Variants in CEP89 observed in about 807,000 individuals in gnomAD.
CEP89 encodes the protein centrosomal protein of 89 kDa.
In CEP89, 95 loss-of-function variants were observed where a neutral mutation model predicts 97.6. That is an observed-to-expected ratio of 0.97 (90% CI 0.82 to 1.15). CEP89 has a LOEUF of 1.15. CEP89 is among the 50% of genes most tolerant of loss of function. The pLI is 0.00. For missense variants in CEP89, 869 were observed against 947.7 expected, an observed-to-expected ratio of 0.92 and a Z score of 1.09; for synonymous variants, 354 against 349.1, an observed-to-expected ratio of 1.01 and a Z score of -0.16.
intron 5 of CEP89, among the ~76,000 whole-genome samples, chr19:32,945,506 C>T (rs1358444532): frequency 6.6e-6 from 1 of 152,154 alleles, no homozygotes; most frequent in African/African-American, 2.4e-5. Flanking sequence ...TCCAAATCCA[C>T]CTTCATGGCC....
intron 4 of CEP89, among the ~76,000 whole-genome samples, chr19:32,951,664 G>A (rs552170168): frequency 6.6e-6 from 1 of 151,884 alleles, no homozygotes; most frequent in South Asian, 2.1e-4. Flanking sequence ...GAGTTTCCAA[G>A]GAGGGAGTGG....
At chr19:32,932,597 G>A (rs1027361496) in intron 8 of CEP89, among the ~76,000 whole-genome samples, 3 of 152,012 alleles carry the variant, frequency 2.0e-5, no homozygotes, top group Non-Finnish European at 4.4e-5. Flanking sequence ...TCTTTCATAT[G>A]TAAGGAGTTC....
intron 17 of CEP89, among the ~76,000 whole-genome samples, chr19:32,887,014 C>CAAACAA (rs1969412148): frequency 1.3e-5 from 1 of 76,512 alleles, no homozygotes; most frequent in African/African-American, 5.1e-5. Flanking sequence ...CATCTCTAAA[C>CAAACAA]AAAAAAAAAA....
intron 15 of CEP89, among the ~76,000 whole-genome samples, chr19:32,900,888 C>CTTTTTTT (rs34188586): frequency 0.015 from 2,007 of 138,050 alleles, 78 homozygotes; most frequent in African/African-American, 0.048. Context: ...CTTCATTTGT[C>CTTTTTTT]TTTTTTTTTT....
At chr19:32,910,294 A>C (rs200924868) in intron 14 of CEP89, among the ~76,000 whole-genome samples, 24 of 125,598 alleles carry the variant, frequency 1.9e-4, no homozygotes, top group Non-Finnish European at 1.7e-4. Context: ...AGAGAGCGAG[A>C]GAGAGAGGGA....
chr19:32,948,100 C>A (rs1260195639), intron 5 of CEP89, among the ~76,000 whole-genome samples, 166 bp downstream of exon 5: 2 of 152,220 alleles, frequency 1.3e-5, no homozygotes, highest in Non-Finnish European at 2.9e-5. Context: ...AGCCACCACA[C>A]CTGGACCCTC....
At chr19:32,931,107 C>T (rs1297702329) in intron 9 of CEP89, 1 of 373,526 alleles carries the variant, frequency 2.7e-6, no homozygotes, top group Admixed American at 4.6e-5. Context: ...CCAGGATGGT[C>T]TCAAACTCCA....
At chr19:32,931,621 T>C (rs1238160849) in intron 8 of CEP89, 50 bp from the exon 9 acceptor site, 3 of 1,428,988 alleles carry the variant, frequency 2.1e-6, no homozygotes, top group East Asian at 2.5e-5. Context: ...ATCCAATTTA[T>C]CCAGATTTTA....
At chr19:32,954,020 C>T (rs142920345) in intron 3 of CEP89, among the ~76,000 whole-genome samples, 330 of 152,064 alleles carry the variant, frequency 2.2e-3, no homozygotes, top group African/African-American at 7.6e-3. Context: ...AGGTGCCCAC[C>T]ACCGCGCCTG....
At chr19:32,965,770 C>T (rs1267129100) in intron 2 of CEP89, among the ~76,000 whole-genome samples, 1 of 150,292 alleles carries the variant, frequency 6.7e-6, no homozygotes, top group African/African-American at 2.4e-5. Flanking sequence ...AATCCCAGCA[C>T]TTTCAGAGGC....
intron 16 of CEP89, among the ~76,000 whole-genome samples, chr19:32,896,478 T>C (rs1969644402): frequency 6.6e-6 from 1 of 152,028 alleles, no homozygotes; most frequent in Non-Finnish European, 1.5e-5. Flanking sequence ...CTCACAATGG[T>C]TTAAAGACTT....
intron 17 of CEP89, among the ~76,000 whole-genome samples, chr19:32,882,919 C>T (rs1030767215): frequency 2.6e-5 from 4 of 151,910 alleles, no homozygotes; most frequent in Admixed American, 6.6e-5. Context: ...AGTGCAGTGG[C>T]GCAATATCAG....
At chr19:32,896,314 A>G (rs891249588) in intron 16 of CEP89, among the ~76,000 whole-genome samples, 9 of 152,196 alleles carry the variant, frequency 5.9e-5, no homozygotes, top group African/African-American at 1.4e-4. Context: ...AAACGAGCCC[A>G]CATATTTACT....
At position 32,913,639 on chromosome 19, in the gene CEP89, CTTT is replaced by C. The variant is rs71301617; in HGVS notation, c.1565+1695_1565+1697del. ...GGTTACACACACACATACACACACACTTTTTTTTTTTTTTTTGAGACAAAGTCT... is the reference window on the plus strand; with the variant it reads ...GGTTACACACACACATACACACACACTTTTTTTTTTTTTGAGACAAAGTCT... On this transcript the variant is annotated intron_variant, in intron 14 of 18. Transcript: ENST00000305768. 6.7e-3 allele frequency among the ~76,000 whole-genome samples: 926 copies of C among 138,228 alleles called. 4 individuals carry two copies. The highest frequency in any genetic ancestry group is 0.011 in the Non-Finnish European group (704 of 64,964). 90.7% of individuals were successfully genotyped at this position (138,228 alleles called of 152,430 possible).
At position 32,876,462 on chromosome 19, in the gene CEP89, TCTC is replaced by T. The variant is rs1969181357; in HGVS notation, c.*2697_*2699del. 4 of 152,918 alleles carry T rather than the reference TCTC, an allele frequency of 2.6e-5. No individual in the cohort carries two copies. The Admixed American group carries it at 2.6e-4, about 10-fold the overall frequency. The allele number at this position is 152,918 out of a possible 1,614,324, so 9.5% of individuals were successfully genotyped here. A position where few individuals can be genotyped will look rare whatever the true frequency, so the allele number is the denominator to read the frequency against. ...AGGAGCCCCTCCCAGCAGACCCAGT[TCTC>T]CTCTGTGCAGTCCGGCCTCATTTCC... On this transcript the variant is annotated 3_prime_UTR_variant, in exon 19 of 19. Transcript: ENST00000305768.
intron 16 of CEP89, among the ~76,000 whole-genome samples, chr19:32,890,575 G>A (rs1969492662): frequency 6.6e-6 from 1 of 152,170 alleles, no homozygotes; most frequent in Admixed American, 6.5e-5. Flanking sequence ...GGGCTGGGCG[G>A]CACCCGCGCA....
intron 17 of CEP89, among the ~76,000 whole-genome samples, chr19:32,884,343 C>G (rs1159216053): frequency 3.3e-5 from 5 of 152,022 alleles, no homozygotes; most frequent in African/African-American, 1.2e-4. Flanking sequence ...TAGGTTGGCT[C>G]TTGGGTCTAG....
intron 9 of CEP89, chr19:32,931,227 T>TAAC (rs1396054987): frequency 1.8e-6 from 1 of 554,428 alleles, no homozygotes. Flanking sequence ...TCCCAATGTT[T>TAAC]TACAGTCTTT....
intron 2 of CEP89, among the ~76,000 whole-genome samples, chr19:32,960,354 A>C (rs1316800265): frequency 6.6e-6 from 1 of 152,210 alleles, no homozygotes; most frequent in South Asian, 2.1e-4. Flanking sequence ...AAAAGCCTAC[A>C]TTCAAGTAGT....
Sources: allele counts gnomAD v4.1 joint callset (sites outside exome capture counted in the v4.1 genomes callset), GRCh38; gene constraint gnomAD v4.1.1; transcripts MANE v1.5; gene names NCBI Gene and HGNC (gene_info 2026-07-23, HGNC 2026-07-21).